The following CDH13 variants were observed in gnomAD, a reference collection of about 807,000 sequenced individuals.
The protein encoded by CDH13 is cadherin-13.
In CDH13, 24 loss-of-function variants were observed where a neutral mutation model predicts 63.8. The observed-to-expected ratio is 0.38, with a 90% confidence interval of 0.27 to 0.53. CDH13 has a LOEUF of 0.53. Among genes scored for constraint, CDH13 ranks in the 20% least tolerant of loss-of-function variants. The pLI is 0.85. For missense variants in CDH13, 1,049 were observed against 903.1 expected, an observed-to-expected ratio of 1.16 and a Z score of -2.07; for synonymous variants, 503 against 355.3, an observed-to-expected ratio of 1.42 and a Z score of -4.67.
chr16:83,070,864 C>A (rs986920556), intron 3 of CDH13, among the ~76,000 whole-genome samples: 4 of 145,544 alleles, frequency 2.7e-5, no homozygotes, highest in South Asian at 4.7e-4. Context: ...AGCCCCCCCC[C>A]CCCCAAATAT....
chr16:83,184,795 G>A (rs1249894196), intron 4 of CDH13, among the ~76,000 whole-genome samples: 3 of 152,076 alleles, frequency 2.0e-5, no homozygotes, highest in Non-Finnish European at 4.4e-5. Context: ...TGTTGATGAG[G>A]ACGGTAATAA....
chr16:83,058,847 A>T (rs145395164), intron 3 of CDH13, among the ~76,000 whole-genome samples: 1 of 152,354 alleles, frequency 6.6e-6, no homozygotes, highest in East Asian at 1.9e-4. Context: ...TGATGAGATT[A>T]TCTCTCTTCC....
At chr16:82,998,883 G>A (rs796286212) in intron 2 of CDH13, among the ~76,000 whole-genome samples, 1 of 100,164 alleles carries the variant, frequency 1.0e-5, no homozygotes, top group African/African-American at 4.8e-5. Flanking sequence ...TTTTTTTGCA[G>A]ATACTGCCCC....
At chr16:83,036,143 C>A (rs1457907088) in intron 3 of CDH13, among the ~76,000 whole-genome samples, 1 of 90,830 alleles carries the variant, frequency 1.1e-5, no homozygotes. Flanking sequence ...GAGCTCTCCT[C>A]TTTTTTTTTT....
At chr16:82,758,722 G>T (rs1463574318) in intron 1 of CDH13, among the ~76,000 whole-genome samples, 4 of 152,192 alleles carry the variant, frequency 2.6e-5, no homozygotes, top group Non-Finnish European at 1.5e-5. Context: ...TGGGCTATGG[G>T]TGTAACAGGC....
intron 1 of CDH13, among the ~76,000 whole-genome samples, chr16:82,676,448 C>T (rs986049173): frequency 2.0e-4 from 30 of 150,540 alleles, no homozygotes; most frequent in African/African-American, 6.6e-4. Flanking sequence ...TTCTCTCCCT[C>T]TCCATTGCCA....
At chr16:83,203,759 T>C (rs1180336272) in intron 4 of CDH13, among the ~76,000 whole-genome samples, 3 of 149,942 alleles carry the variant, frequency 2.0e-5, no homozygotes, top group Non-Finnish European at 3.0e-5. Context: ...GGAACAGTAA[T>C]GGTCTGAAAT....
At chr16:83,081,872 C>T (rs767178391) in intron 3 of CDH13, among the ~76,000 whole-genome samples, 5 of 148,748 alleles carry the variant, frequency 3.4e-5, no homozygotes, top group African/African-American at 1.2e-4. Flanking sequence ...GTGATCTCGG[C>T]TCACCATAAC....
At chr16:82,804,438 T>A (rs2037044544) in intron 1 of CDH13, among the ~76,000 whole-genome samples, 1 of 152,208 alleles carries the variant, frequency 6.6e-6, no homozygotes, top group South Asian at 2.1e-4. Context: ...ATTGTATACA[T>A]TTAACATGTG....
chr16:82,822,135 C>G (rs2038032617), intron 1 of CDH13, among the ~76,000 whole-genome samples: 1 of 152,160 alleles, frequency 6.6e-6, no homozygotes, highest in Non-Finnish European at 1.5e-5. Context: ...GTGACATTAA[C>G]AGCAATCAAA....
At chr16:83,440,409 G>A (rs560662613) in intron 6 of CDH13, among the ~76,000 whole-genome samples, 12 of 152,246 alleles carry the variant, frequency 7.9e-5, no homozygotes, top group African/African-American at 2.4e-4. Flanking sequence ...TCAGCCTTGT[G>A]CCCCCAACAC....
At chr16:82,759,460 T>G (rs1442051563) in intron 1 of CDH13, among the ~76,000 whole-genome samples, 1 of 152,030 alleles carries the variant, frequency 6.6e-6, no homozygotes, top group Non-Finnish European at 1.5e-5. Flanking sequence ...ATATACTGAA[T>G]GTTTCTGTAA....
At chr16:83,029,840 C>G (rs1216537446) in intron 2 of CDH13, among the ~76,000 whole-genome samples, 1 of 152,080 alleles carries the variant, frequency 6.6e-6, no homozygotes, top group Non-Finnish European at 1.5e-5. Flanking sequence ...GATTTATGTG[C>G]TTATATGTGT....
chr16:83,559,138 G>C (rs893681194), intron 7 of CDH13, among the ~76,000 whole-genome samples: 4 of 152,248 alleles, frequency 2.6e-5, no homozygotes, highest in African/African-American at 9.6e-5. Context: ...TGAAGACAGA[G>C]AAATGCAAAG....
intron 7 of CDH13, among the ~76,000 whole-genome samples, chr16:83,495,763 T>G (rs2074125174): frequency 6.6e-6 from 1 of 152,188 alleles, no homozygotes; most frequent in Non-Finnish European, 1.5e-5. Context: ...CTTTTTGGCT[T>G]GTAGAGCATG....
intron 1 of CDH13, among the ~76,000 whole-genome samples, chr16:82,794,164 A>T (rs997020952): frequency 3.3e-5 from 5 of 149,624 alleles, no homozygotes; most frequent in Non-Finnish European, 7.4e-5. Context: ...TTTTTTTGCA[A>T]TTTTTTTTCT....
chr16:83,500,627 C>T (rs2074263316), intron 7 of CDH13, among the ~76,000 whole-genome samples: 2 of 133,300 alleles, frequency 1.5e-5, no homozygotes, highest in South Asian at 2.7e-4. Flanking sequence ...GGCTGGAGTG[C>T]AATGGCACGA....
intron 6 of CDH13, among the ~76,000 whole-genome samples, chr16:83,346,926 A>G (rs2090851971): frequency 6.6e-6 from 1 of 152,316 alleles, no homozygotes; most frequent in South Asian, 2.1e-4. Flanking sequence ...GTATTATCCT[A>G]TAAAAATACA....
intron 5 of CDH13, among the ~76,000 whole-genome samples, chr16:83,232,549 C>CAAAAA (rs752481819): frequency 9.6e-6 from 1 of 104,474 alleles, no homozygotes; most frequent in African/African-American, 3.2e-5. Flanking sequence ...CAACAACAAA[C>CAAAAA]AAACAAAAAA....
Sources: allele counts gnomAD v4.1 joint callset (sites outside exome capture counted in the v4.1 genomes callset), GRCh38; gene constraint gnomAD v4.1.1; transcripts MANE v1.5; gene names NCBI Gene and HGNC (gene_info 2026-07-23, HGNC 2026-07-21).